Variants in ANKRD45 observed in about 807,000 individuals in gnomAD.
ANKRD45 encodes the protein ankyrin repeat domain-containing protein 45.
Under a neutral mutation model 28.1 loss-of-function variants are expected in ANKRD45, and 21 were observed. That is an observed-to-expected ratio of 0.75 (90% CI 0.53 to 1.08). The LOEUF (loss-of-function observed/expected upper bound fraction) is 1.08, where lower values mean the gene tolerates loss of function less well. Among genes scored for constraint, ANKRD45 ranks in the 50% least tolerant of loss-of-function variants. The pLI is 0.00. For synonymous variants in ANKRD45, 86 were observed against 103.9 expected (o/e 0.83, Z 1.05); for missense variants, 261 against 308.7 (o/e 0.85, Z 1.16).
chr1:173,637,134 AC>A, intron 3 of ANKRD45: 1 of 897,500 alleles, frequency 1.1e-6, no homozygotes, highest in East Asian at 2.7e-5. Context: ...ACCTTTATAA[AC>A]TTTTTGCCAC....
chr1:173,691,057 C>G, the ANKRD45 span, among the ~76,000 whole-genome samples: 1 of 152,222 alleles, frequency 6.6e-6, no homozygotes, highest in Non-Finnish European at 1.5e-5. Flanking sequence ...TTTTTAACCT[C>G]TAAGCCACCC....
At chr1:173,657,472 A>T (rs76642997) in intron 2 of ANKRD45, 1 of 156,970 alleles carries the variant, frequency 6.4e-6, no homozygotes, top group East Asian at 1.9e-4. Context: ...TGTCTCAAGA[A>T]AAAAAAAAAA....
At chr1:173,695,420 G>A in the ANKRD45 span, among the ~76,000 whole-genome samples, 10 of 152,062 alleles carry the variant, frequency 6.6e-5, no homozygotes, top group Non-Finnish European at 1.2e-4. Flanking sequence ...TGTATTCAAT[G>A]TTCAGCTCCC....
chr1:173,660,725 C>A (rs912655139), intron 1 of ANKRD45, among the ~76,000 whole-genome samples: 10 of 152,192 alleles, frequency 6.6e-5, no homozygotes, highest in African/African-American at 2.4e-4. Flanking sequence ...CAGTAAGAAT[C>A]AAAGCTCTTA....
chr1:173,657,126 T>C (rs761373783), intron 2 of ANKRD45, among the ~76,000 whole-genome samples: 3 of 151,308 alleles, frequency 2.0e-5, no homozygotes, highest in Non-Finnish European at 4.4e-5. Context: ...TAATATTCTA[T>C]GTTTTCAATT....
intron 3 of ANKRD45, among the ~76,000 whole-genome samples, chr1:173,640,975 G>T (rs1668675448): frequency 6.6e-6 from 1 of 152,102 alleles, no homozygotes; most frequent in Admixed American, 6.6e-5. Context: ...ACTTGCCCTT[G>T]TTCACTTCTA....
At chr1:173,684,891 C>T in the ANKRD45 span, among the ~76,000 whole-genome samples, 13 of 152,212 alleles carry the variant, frequency 8.5e-5, no homozygotes, top group African/African-American at 2.7e-4. Context: ...ATCCAATCTA[C>T]ATTTTTATTA....
In ANKRD45 at chr1:173,619,529, A is replaced by T. The variant is rs552392650; in HGVS notation, c.730+5258T>A. Among the ~76,000 whole-genome samples the T allele has an allele frequency of 2.0e-5, 3 of 152,344 alleles. No homozygotes were observed. The East Asian group carries it at 5.8e-4, about 29-fold the overall frequency. Reference sequence around the variant, plus strand: ...AACAGACTTTAAACCAACAAAGGTCAAAAAGGACAAAGAAGGGGCTGGGCA... The same window carrying T: ...AACAGACTTTAAACCAACAAAGGTCTAAAAGGACAAAGAAGGGGCTGGGCA... On this transcript the variant is annotated intron_variant, in intron 5 of 5. Coordinates refer to ENST00000333279, the MANE Select transcript of ANKRD45 (RefSeq NM_198493.3).
chr1:173,682,543 G>A, the ANKRD45 span, among the ~76,000 whole-genome samples: 1 of 151,972 alleles, frequency 6.6e-6, no homozygotes, highest in South Asian at 2.1e-4. Context: ...GCAGCAGAGG[G>A]TGCAAGAGAA....
chr1:173,662,742 A>G (rs1571778677), intron 1 of ANKRD45, among the ~76,000 whole-genome samples: 1 of 152,292 alleles, frequency 6.6e-6, no homozygotes, highest in East Asian at 1.9e-4. Flanking sequence ...ATCTTTTCTA[A>G]CAAGTCCCAA....
chr1:173,684,316 T>C, the ANKRD45 span, among the ~76,000 whole-genome samples: 4 of 152,328 alleles, frequency 2.6e-5, no homozygotes, highest in Non-Finnish European at 5.9e-5. Context: ...CCTCCCCTTG[T>C]ATTTCCTTAC....
the ANKRD45 span, among the ~76,000 whole-genome samples, chr1:173,682,682 A>AGTACACACACAC: frequency 1.0e-5 from 1 of 95,304 alleles, no homozygotes; most frequent in Non-Finnish European, 2.0e-5. Context: ...AGGCCTTTTA[A>AGTACACACACAC]ATACACACAC....
intron 2 of ANKRD45, among the ~76,000 whole-genome samples, chr1:173,652,511 A>C (rs1197012149): frequency 1.3e-5 from 2 of 152,194 alleles, no homozygotes; most frequent in Admixed American, 1.3e-4. Context: ...TATTATATTG[A>C]GGATTTTCAC....
At chr1:173,696,504 T>A in the ANKRD45 span, among the ~76,000 whole-genome samples, 5 of 152,212 alleles carry the variant, frequency 3.3e-5, no homozygotes, top group Admixed American at 1.3e-4. Context: ...TAGCCAGTTA[T>A]CCCAGTACCA....
chr1:173,690,474 G>GA, the ANKRD45 span, among the ~76,000 whole-genome samples: 1 of 152,062 alleles, frequency 6.6e-6, no homozygotes, highest in Admixed American at 6.5e-5. Context: ...GTTTTTAAGG[G>GA]AAAAAGGAGG....
intron 3 of ANKRD45, among the ~76,000 whole-genome samples, chr1:173,640,070 G>A (rs928421724): frequency 5.9e-5 from 9 of 152,124 alleles, no homozygotes; most frequent in African/African-American, 1.4e-4. Context: ...TGGACCAAAT[G>A]TCTTCCCATT....
At chr1:173,678,332 G>A in the ANKRD45 span, among the ~76,000 whole-genome samples, 14 of 152,228 alleles carry the variant, frequency 9.2e-5, no homozygotes, top group African/African-American at 1.9e-4. Flanking sequence ...CTGGCAAAGC[G>A]AATGAAGCAG....
At chr1:173,663,637 A>G (rs950046898) in intron 1 of ANKRD45, among the ~76,000 whole-genome samples, 11 of 152,202 alleles carry the variant, frequency 7.2e-5, no homozygotes, top group Non-Finnish European at 1.6e-4. Flanking sequence ...ATAAGATGTA[A>G]TCAGATATAT....
At chr1:173,624,250 C>T (rs1667825909) in intron 5 of ANKRD45, among the ~76,000 whole-genome samples, 1 of 152,044 alleles carries the variant, frequency 6.6e-6, no homozygotes, top group South Asian at 2.1e-4. Flanking sequence ...GCCAACACTT[C>T]AGGAGGCTGA....
Sources: gnomAD v4.1 joint callset for allele counts (sites outside exome capture counted in the v4.1 genomes callset) on GRCh38, gnomAD v4.1.1 for gene constraint, MANE v1.5 for transcripts, NCBI Gene and HGNC (gene_info 2026-07-23, HGNC 2026-07-21) for gene names.